The following LONRF1 variants were observed in gnomAD, a reference collection of about 807,000 sequenced individuals.
The protein encoded by LONRF1 is LON peptidase N-terminal domain and RING finger protein 1.
In LONRF1, 37 loss-of-function variants were observed where a neutral mutation model predicts 85.8. That is an observed-to-expected ratio of 0.43 (90% CI 0.33 to 0.57). The LOEUF (loss-of-function observed/expected upper bound fraction) is 0.57. Among genes scored for constraint, LONRF1 ranks in the 20% least tolerant of loss-of-function variants. LONRF1 has a pLI of 0.04. For missense variants in LONRF1, 1,036 were observed against 978.0 expected (o/e 1.06, Z -0.79); for synonymous variants, 517 against 390.1 (o/e 1.33, Z -3.83).
Position 12,731,795 on chromosome 8 carries a change from C to A in LONRF1, c.1629G>T (p.Leu543=), listed in dbSNP as rs1798538904. 1.2e-6 allele frequency: 2 copies of A among 1,612,744 alleles called. No homozygotes were observed. The highest frequency in any genetic ancestry group is 2.2e-5 in the South Asian group (2 of 91,020). The change falls in exon 8 of 12, where the codon CTG becomes CTT. Residue 543 remains leucine (L), a synonymous_variant. Coordinates refer to ENST00000398246, the MANE Select transcript of LONRF1 (RefSeq NM_152271.5). The stretch of plus-strand genomic sequence containing the variant: ...TTTTTCTCTCAGACAGTTCATCAGG[C>A]AGATACTTCACTATTAATTCTTCCA... ...QLLEELIVKY[L]PDELSERKKI...
chr8:12,721,942 C>A lies in LONRF1; in HGVS notation c.*1154G>T, dbSNP rs1805895477. On this transcript the variant is annotated 3_prime_UTR_variant, in exon 12 of 12. Transcript: ENST00000398246. The stretch of plus-strand genomic sequence containing the variant: ...TAGCTTTTATTCAAAATTAAATAAG[C>A]AAAAGCAAAAATTTTAAGAAACTTT... 6.6e-6 allele frequency: 1 copy of A among 152,050 alleles called. No homozygotes were observed. Among genetic ancestry groups the A allele is most frequent in the Non-Finnish European group, 1.5e-5 (1 of 67,938 alleles). 9.4% of individuals were successfully genotyped at this position (152,050 alleles called of 1,614,324 possible).
In LONRF1 at chr8:12,722,784, G is replaced by GCACACACACA. The variant is rs3839870; in HGVS notation, c.*302_*311dup. The GCACACACACA allele has an allele frequency of 5.7e-6, 1 of 174,560 alleles. No individual in the cohort carries two copies. Among genetic ancestry groups the GCACACACACA allele is most frequent in the Middle Eastern group, 2.5e-3 (1 of 408 alleles). The allele number at this position is 174,560 out of a possible 1,614,324, so 10.8% of individuals were successfully genotyped here. On this transcript the variant is annotated 3_prime_UTR_variant, in exon 12 of 12. Coordinates refer to ENST00000398246, the MANE Select transcript of LONRF1 (RefSeq NM_152271.5). ...CCAACCCCCACAAGCACACACGCAC[G>GCACACACACA]CACACACACACACACACTCTCTCAC...
chr8:12,745,207 G>A (rs1011056899), intron 1 of LONRF1, among the ~76,000 whole-genome samples: 5 of 151,706 alleles, frequency 3.3e-5, no homozygotes, highest in African/African-American at 4.8e-5. Flanking sequence ...GAAGATGCAC[G>A]CCCTAAGTAG....
chr8:12,743,761 G>A (rs1799034268), intron 1 of LONRF1, among the ~76,000 whole-genome samples: 1 of 152,106 alleles, frequency 6.6e-6, no homozygotes, highest in Admixed American at 6.5e-5. Flanking sequence ...TCAATCTTAT[G>A]AGCATACACA....
intron 8 of LONRF1, among the ~76,000 whole-genome samples, chr8:12,730,234 A>C (rs912871675): frequency 6.6e-6 from 1 of 152,252 alleles, no homozygotes; most frequent in Non-Finnish European, 1.5e-5. Flanking sequence ...AGAAATGCTT[A>C]TATTAATGAG....
chr8:12,743,792 A>C (rs1051094990), intron 1 of LONRF1, among the ~76,000 whole-genome samples: 2 of 152,176 alleles, frequency 1.3e-5, no homozygotes, highest in Non-Finnish European at 2.9e-5. Flanking sequence ...TTCTGGAGGA[A>C]ATGGGTTAAT....
intron 1 of LONRF1, among the ~76,000 whole-genome samples, chr8:12,751,300 T>TTTTTTGTTTG (rs1563160573): frequency 2.4e-5 from 2 of 83,782 alleles, no homozygotes; most frequent in Non-Finnish European, 5.4e-5. Context: ...TTTTATGTTT[T>TTTTTTGTTTG]TTTTTTTTTT....
At chr8:12,734,891 C>G (rs1798659810) in intron 7 of LONRF1, among the ~76,000 whole-genome samples, 1 of 152,006 alleles carries the variant, frequency 6.6e-6, no homozygotes, top group East Asian at 1.9e-4. Flanking sequence ...TTCTATTGAA[C>G]AAAGTTGTTC....
At position 12,755,180 on chromosome 8, in the gene LONRF1, C is replaced by G; in HGVS notation, c.241G>C (p.Ala81Pro). The G allele has an allele frequency of 7.5e-7, 1 of 1,336,730 alleles. No individual in the cohort carries two copies. Among genetic ancestry groups the G allele is most frequent in the Non-Finnish European group, 9.5e-7 (1 of 1,051,222 alleles). The allele number at this position is 1,336,730 out of a possible 1,614,324, so 82.8% of individuals were successfully genotyped here. Residue 81 changes from alanine to proline, a missense_variant, in exon 1 of 12, where the codon GCC (alanine) becomes CCC (proline). By Grantham distance (27) the Ala-to-Pro change is conservative. Coordinates refer to ENST00000398246, the MANE Select transcript of LONRF1 (RefSeq NM_152271.5). Reference sequence around the variant, plus strand: ...AGGGCGCCCAGGCACTCGGGCCTGGCCGGGGCCCCGCGGCGCAGCGCCGCC... The same window carrying G: ...AGGGCGCCCAGGCACTCGGGCCTGGGCGGGGCCCCGCGGCGCAGCGCCGCC... ...FAAALRRGAP[A>P]RPECLGALVD...
intron 10 of LONRF1, 85 bp downstream of exon 10, chr8:12,728,816 G>A (rs1455403620): frequency 2.0e-6 from 3 of 1,472,472 alleles, no homozygotes; most frequent in African/African-American, 2.8e-5. Flanking sequence ...ACTGGTTCAT[G>A]CACCTAGAAA....
intron 1 of LONRF1, among the ~76,000 whole-genome samples, chr8:12,751,370 G>A (rs1345323886): frequency 7.4e-6 from 1 of 134,446 alleles, no homozygotes; most frequent in African/African-American, 2.9e-5. Context: ...GCAGTGGTGT[G>A]GTCTCAGCTA....
rs776139169 is a variant in LONRF1 at position 12,736,906 on chromosome 8, G to T, written c.1348C>A (p.Gln450Lys). 23 of 1,605,740 alleles carry T rather than the reference G, an allele frequency of 1.4e-5. No individual in the cohort carries two copies. ...TGTAGAGCAAAATTTTTACCTCCTT[G>T]TTTTTTCAGCTTATTTCTTCCATCT... ...NEDGRNKLKK[Q>K]GETPNEVCMF... The change falls in exon 5 of 12, where the codon CAA (glutamine) becomes AAA (lysine). Residue 450 changes from glutamine (Q) to lysine (K), a missense_variant. Physicochemically the swap from Gln to Lys is moderately conservative, Grantham distance 53. Around this residue, in one of 3 missense-constraint regions of LONRF1, gnomAD observed 742 missense variants for 614.4 expected, o/e 1.21. Coordinates refer to ENST00000398246, the MANE Select transcript of LONRF1 (RefSeq NM_152271.5).
rs189230050 is a variant in LONRF1 at position 12,722,893 on chromosome 8, G to A, written c.*203C>T. On this transcript the variant is annotated 3_prime_UTR_variant, in exon 12 of 12. Transcript: ENST00000398246. ...TAGAGGTTCGACACACATTCAATGC[G>A]TGTTTTTCTGTGCAAGTTCTTAGTG... 5 of 505,136 alleles carry A rather than the reference G, an allele frequency of 9.9e-6. No individual in the cohort carries two copies. The highest frequency in any genetic ancestry group is 3.6e-5 in the Admixed American group (1 of 27,476). 31.3% of individuals were successfully genotyped at this position (505,136 alleles called of 1,614,324 possible). A position where few individuals can be genotyped will look rare whatever the true frequency, so the allele number is the denominator to read the frequency against.
At chr8:12,742,480 A>C (rs916065927) in intron 2 of LONRF1, among the ~76,000 whole-genome samples, 5 of 152,210 alleles carry the variant, frequency 3.3e-5, no homozygotes, top group African/African-American at 1.2e-4. Flanking sequence ...ATCACTGCCT[A>C]ATCATCTAGT....
In LONRF1 at chr8:12,754,879, G is replaced by C. The variant is rs902047530; in HGVS notation, c.542C>G (p.Pro181Arg). 6.0e-6 allele frequency: 9 copies of C among 1,494,304 alleles called. No homozygotes were observed. The highest frequency in any genetic ancestry group is 7.1e-6 in the Non-Finnish European group (8 of 1,126,762). The allele number at this position is 1,494,304 out of a possible 1,614,324, so 92.6% of individuals were successfully genotyped here. A position where few individuals can be genotyped will look rare whatever the true frequency, so the allele number is the denominator to read the frequency against. ...DAEGTAPRPPPLAAAIAASDF... is the reference protein window; with the variant it reads ...DAEGTAPRPPRLAAAIAASDF... ...TGAAGCGGCGATGGCGGCGGCCAGA[G>C]GCGGCGGCCGCGGGGCGGTCCCTTC... Residue 181 changes from proline to arginine, a missense_variant, in exon 1 of 12, where the codon CCT (proline) becomes CGT (arginine). Pro to Arg is a moderately radical substitution (Grantham distance 103, BLOSUM62 -2). This residue lies in a region of LONRF1 where 742 missense variants were observed against 614.4 expected (regional missense o/e 1.21). Coordinates refer to ENST00000398246, the MANE Select transcript of LONRF1 (RefSeq NM_152271.5).
chr8:12,738,194 G>A (rs1174275318), intron 3 of LONRF1, 50 bp from the exon 4 acceptor site: 1 of 1,236,906 alleles, frequency 8.1e-7, no homozygotes, highest in Non-Finnish European at 1.1e-6. Context: ...ATTTGGTTAA[G>A]GATAATTTTG....
intron 6 of LONRF1, chr8:12,735,668 GCTA>G: frequency 3.1e-6 from 1 of 320,894 alleles, no homozygotes. Context: ...GGACACTATG[GCTA>G]CTAATCACTT....
Position 12,738,151 on chromosome 8 carries a change from G to C in LONRF1, c.964-7C>G, listed in dbSNP as rs1320347227. 6.7e-7 allele frequency: 1 copy of C among 1,489,714 alleles called. No homozygotes were observed. The highest frequency in any genetic ancestry group is 1.3e-5 in the South Asian group (1 of 77,606). The allele number at this position is 1,489,714 out of a possible 1,614,324, so 92.3% of individuals were successfully genotyped here. A position where few individuals can be genotyped will look rare whatever the true frequency, so the allele number is the denominator to read the frequency against. Reference sequence around the variant, plus strand: ...ATAATAAATCACATAAAATCTGTAAGAGAAATATTAAAAGTAGTAGAAAAT... The same window carrying C: ...ATAATAAATCACATAAAATCTGTAACAGAAATATTAAAAGTAGTAGAAAAT... On this transcript the variant is annotated splice_polypyrimidine_tract_variant and splice_region_variant and intron_variant, in intron 3 of 11. Transcript: ENST00000398246.
Position 12,723,054 on chromosome 8 carries a change from A to T in LONRF1, c.*42T>A. 2.0e-6 allele frequency: 3 copies of T among 1,511,684 alleles called. No homozygotes were observed. Among genetic ancestry groups the T allele is most frequent in the Non-Finnish European group, 2.7e-6 (3 of 1,121,612 alleles). 93.6% of individuals were successfully genotyped at this position (1,511,684 alleles called of 1,614,324 possible). A position where few individuals can be genotyped will look rare whatever the true frequency, so the allele number is the denominator to read the frequency against. ...CAGCAGACAATCTGGCCATCAATGCAGCCAGATTAGGGTCACTTTAAAGGG... is the reference window on the plus strand; with the variant it reads ...CAGCAGACAATCTGGCCATCAATGCTGCCAGATTAGGGTCACTTTAAAGGG... On this transcript the variant is annotated 3_prime_UTR_variant, in exon 12 of 12. Transcript: ENST00000398246.
Sources: gnomAD v4.1 joint callset for allele counts (sites outside exome capture counted in the v4.1 genomes callset) on GRCh38, gnomAD v4.1.1 for gene constraint, gnomAD v4.1.1 regional missense constraint, MANE v1.5 for transcripts, NCBI Gene and HGNC (gene_info 2026-07-23, HGNC 2026-07-21) for gene names.